Variants in TICRR observed in about 807,000 individuals in gnomAD.
TICRR encodes TOPBP1 interacting checkpoint and replication regulator.
In TICRR, 132 loss-of-function variants were observed where a neutral mutation model predicts 178.1. The ratio of observed to expected loss-of-function variants is 0.74; its 90% CI spans 0.64 to 0.86. The LOEUF is 0.86. Among genes scored for constraint, TICRR ranks in the 40% least tolerant of loss-of-function variants. TICRR has a pLI of 0.00. For synonymous variants in TICRR, 991 were observed against 900.7 expected, an observed-to-expected ratio of 1.10 and a Z score of -1.79; for missense variants, 2,587 against 2,334.3, an observed-to-expected ratio of 1.11 and a Z score of -2.23.
In TICRR at chr15:89,584,417, A is replaced by T. The variant is rs768896083; in HGVS notation, c.1066A>T (p.Thr356Ser). ...CCAGTGGTCTCTCCCAACGAGCAGC[A>T]CTTTGGGCACTGACAGCTGGATGCT... ...VAQWSLPTSS[T>S]LGTDSWMLGS... Residue 356 changes from threonine to serine, a missense_variant, in exon 3 of 22, where the codon ACT becomes TCT. Thr to Ser is a moderately conservative substitution (Grantham distance 58). Transcript: ENST00000268138. 1 of 1,614,150 alleles carries T rather than the reference A, an allele frequency of 6.2e-7. No individual in the cohort carries two copies. The highest frequency in any genetic ancestry group is 1.7e-5 in the Admixed American group (1 of 60,018).
intron 19 of TICRR, among the ~76,000 whole-genome samples, chr15:89,622,126 C>T (rs1349007780): frequency 6.6e-6 from 1 of 151,704 alleles, no homozygotes; most frequent in Non-Finnish European, 1.5e-5. Flanking sequence ...GCTAGGATTA[C>T]AGGCACCCAC....
chr15:89,594,600 CTG>C (rs762330695), intron 6 of TICRR, 46 bp downstream of exon 6: 35 of 1,458,230 alleles, frequency 2.4e-5, no homozygotes, highest in South Asian at 6.3e-5. Flanking sequence ...TTTTTTGAGA[CTG>C]TATGTTTTAA....
intron 4 of TICRR, 168 bp from the exon 5 acceptor site, chr15:89,591,879 C>T: frequency 4.3e-6 from 2 of 461,340 alleles, no homozygotes; most frequent in Non-Finnish European, 7.6e-6. Flanking sequence ...TTTTATTTAC[C>T]ACATAGGCCT....
At chr15:89,618,947 G>A (rs1963379073) in intron 17 of TICRR, among the ~76,000 whole-genome samples, 1 of 152,198 alleles carries the variant, frequency 6.6e-6, no homozygotes, top group South Asian at 2.1e-4. Context: ...GACAGAGCAA[G>A]ACCATGTCTC....
chr15:89,612,846 G>A (rs778892638), intron 15 of TICRR, among the ~76,000 whole-genome samples: 33 of 152,066 alleles, frequency 2.2e-4, no homozygotes, highest in Non-Finnish European at 4.6e-4. Flanking sequence ...CTTTGCTATT[G>A]TATAGTTCTA....
chr15:89,624,713 G>A lies in TICRR; in HGVS notation c.4403G>A (p.Ser1468Asn), dbSNP rs1963484621. 6.2e-7 allele frequency: 1 copy of A among 1,614,154 alleles called. No individual in the cohort carries two copies. Among genetic ancestry groups the A allele is most frequent in the African/African-American group, 1.3e-5 (1 of 75,062 alleles). ...TSDTEHVTLL[S>N]EAEHHGIGDL... ...GACACAGAGCATGTCACTCTCCTCA[G>A]TGAAGCCGAACACCATGGCATTGGT... is the stretch of plus-strand genomic sequence containing the variant. Residue 1468 changes from serine to asparagine, a missense_variant, in exon 20 of 22, where the codon AGT becomes AAT. Ser to Asn is a conservative substitution (Grantham distance 46). Transcript: ENST00000268138.
intron 15 of TICRR, among the ~76,000 whole-genome samples, chr15:89,615,778 A>G (rs1963325507): frequency 6.6e-6 from 1 of 151,938 alleles, no homozygotes; most frequent in African/African-American, 2.4e-5. Flanking sequence ...ATTTTCACAT[A>G]TTTCATTTAA....
At chr15:89,602,016 A>G (rs1457943101) in intron 12 of TICRR, 40 bp downstream of exon 12, 2 of 1,604,984 alleles carry the variant, frequency 1.2e-6, no homozygotes, top group Admixed American at 1.7e-5. Context: ...TTGCACTGTT[A>G]TAGTTCTGAT....
At chr15:89,586,357 C>CATATATAT (rs142659213) in intron 4 of TICRR, among the ~76,000 whole-genome samples, 2 of 150,440 alleles carry the variant, frequency 1.3e-5, no homozygotes, top group African/African-American at 4.9e-5. Context: ...TATACGTATA[C>CATATATAT]ATATATATAT....
intron 21 of TICRR, among the ~76,000 whole-genome samples, 182 bp downstream of exon 21, chr15:89,626,243 T>C (rs1380868376): frequency 1.3e-5 from 2 of 152,172 alleles, no homozygotes; most frequent in African/African-American, 4.8e-5. Context: ...CTTGTGTGCA[T>C]GTGAACAGAA....
Position 89,575,562 on chromosome 15 carries a change from G to T in TICRR, c.-25G>T. 1 of 1,450,560 alleles carries T rather than the reference G, an allele frequency of 6.9e-7. No individual in the cohort carries two copies. The highest frequency in any genetic ancestry group is 9.0e-7 in the Non-Finnish European group (1 of 1,109,514). 89.9% of individuals were successfully genotyped at this position (1,450,560 alleles called of 1,614,324 possible). On this transcript the variant is annotated 5_prime_UTR_variant, in exon 1 of 22. Transcript: ENST00000268138. Reference sequence around the variant, plus strand: ...GACGGTGGCGCGGGCCCGGACCGGGGCCCCGGGGCGGCGGCACGGCCGATA... The same window carrying T: ...GACGGTGGCGCGGGCCCGGACCGGGTCCCCGGGGCGGCGGCACGGCCGATA...
chr15:89,621,242 A>C (rs1208794672), intron 18 of TICRR, 151 bp from the exon 19 acceptor site: 2 of 627,216 alleles, frequency 3.2e-6, no homozygotes, highest in African/African-American at 2.0e-5. Context: ...GCTGGTCTCG[A>C]ACTCCTGACC....
At chr15:89,599,514 G>GTGGTTGGT (rs758454447) in intron 8 of TICRR, 39 bp downstream of exon 8, 1 of 1,586,314 alleles carries the variant, frequency 6.3e-7, no homozygotes, top group Non-Finnish European at 8.6e-7. Context: ...CATGGATGTA[G>GTGGTTGGT]TGGTTGGTTG....
At position 89,575,566 on chromosome 15, in the gene TICRR, C is replaced by T. The variant is rs569525291; in HGVS notation, c.-21C>T. 4 of 1,443,238 alleles carry T rather than the reference C, an allele frequency of 2.8e-6. No homozygotes were observed. Among genetic ancestry groups the T allele is most frequent in the East Asian group, 2.6e-5 (1 of 38,094 alleles). 89.4% of individuals were successfully genotyped at this position (1,443,238 alleles called of 1,614,324 possible). On this transcript the variant is annotated 5_prime_UTR_variant, in exon 1 of 22. Transcript: ENST00000268138. ...GTGGCGCGGGCCCGGACCGGGGCCCCGGGGCGGCGGCACGGCCGATATGGC... is the reference window on the plus strand; with the variant it reads ...GTGGCGCGGGCCCGGACCGGGGCCCTGGGGCGGCGGCACGGCCGATATGGC...
chr15:89,609,100 C>CTTTTTTTTTTTTTT lies in TICRR; in HGVS notation c.2869+166_2869+179dup, dbSNP rs59398617. The CTTTTTTTTTTTTTT allele has an allele frequency of 2.7e-4, 22 of 81,478 alleles. 4 individuals carry two copies. Among genetic ancestry groups the CTTTTTTTTTTTTTT allele is most frequent in the African/African-American group, 1.8e-3 (17 of 9,406 alleles). The allele number at this position is 81,478 out of a possible 1,614,324, so 5.0% of individuals were successfully genotyped here. On this transcript the variant is annotated intron_variant, in intron 15 of 21. Coordinates refer to ENST00000268138, the MANE Select transcript of TICRR (RefSeq NM_152259.4). ...CTAAAGGTTTGTCAATTTTGTTAAT[C>CTTTTTTTTTTTTTT]TTTTTTTTTTTTTTTTTTTTTTTTT...
In TICRR at chr15:89,618,171, G is replaced by A. The variant is rs773754387; in HGVS notation, c.2980G>A (p.Asp994Asn). The A allele has an allele frequency of 9.9e-6, 16 of 1,614,082 alleles. No homozygotes were observed. The South Asian group carries it at 1.8e-4, about 18-fold the overall frequency. The change falls in exon 17 of 22, where the codon GAT becomes AAT. Residue 994 changes from aspartate to asparagine, a missense_variant. Transcript: ENST00000268138. ...IKGRSSDPGP[D>N]IGVVEESPEK... is the part of the protein sequence containing the mutation. The stretch of plus-strand genomic sequence containing the variant: ...CTCGAGGTCCTCTGATCCTGGTCCT[G>A]ATATTGGTGTTGTTGAAGAGTCCCC...
chr15:89,595,035 C>G (rs552187009), intron 6 of TICRR, among the ~76,000 whole-genome samples: 8 of 152,264 alleles, frequency 5.3e-5, no homozygotes, highest in South Asian at 4.1e-4. Context: ...AAAACTGGCT[C>G]TTTATGTAGA....
chr15:89,612,544 A>T (rs145999334), intron 15 of TICRR, among the ~76,000 whole-genome samples: 1 of 152,324 alleles, frequency 6.6e-6, no homozygotes, highest in African/African-American at 2.4e-5. Flanking sequence ...GAAAAGGGAA[A>T]TGGTAGCCAG....
chr15:89,609,365 G>T (rs761899878), intron 15 of TICRR, among the ~76,000 whole-genome samples: 4 of 151,204 alleles, frequency 2.6e-5, no homozygotes, highest in African/African-American at 9.7e-5. Flanking sequence ...TGCCCTCCTC[G>T]GCCTCCCACA....
Sources: allele counts gnomAD v4.1 joint callset (sites outside exome capture counted in the v4.1 genomes callset), GRCh38; gene constraint gnomAD v4.1.1; transcripts MANE v1.5; gene names NCBI Gene and HGNC (gene_info 2026-07-23, HGNC 2026-07-21).